The following OSTN variants were observed in gnomAD, a reference collection of about 807,000 sequenced individuals.
OSTN encodes the protein osteocrin.
In OSTN, 9 loss-of-function variants were observed where a neutral mutation model predicts 12.0. The ratio of observed to expected loss-of-function variants is 0.75; its 90% confidence interval spans 0.45 to 1.30. OSTN has a LOEUF of 1.30. Among genes scored for constraint, OSTN ranks in the 50% most tolerant of loss-of-function variants. The pLI is 0.00. For missense variants in OSTN, 148 were observed against 152.3 expected (o/e 0.97, Z 0.15); for synonymous variants, 59 against 56.9 (o/e 1.04, Z -0.16).
At chr3:191,228,953 C>T (rs1298711103) in intron 3 of OSTN, among the ~76,000 whole-genome samples, 1 of 152,100 alleles carries the variant, frequency 6.6e-6, no homozygotes, top group African/African-American at 2.4e-5. Flanking sequence ...AAGAAGAAAA[C>T]AGCAAGTCAT....
chr3:191,230,562 CAAAAAAAAAAAAAA>C (rs35542147), intron 3 of OSTN, among the ~76,000 whole-genome samples: 1 of 36,448 alleles, frequency 2.7e-5, no homozygotes, highest in African/African-American at 1.0e-4. Context: ...GACTCCGTCT[CAAAAAAAAAAAAAA>C]AAAAAAAAAA....
intron 4 of OSTN, among the ~76,000 whole-genome samples, chr3:191,256,511 A>G (rs1051356906): frequency 6.6e-6 from 1 of 152,108 alleles, no homozygotes; most frequent in South Asian, 2.1e-4. Flanking sequence ...TTTAGCCAAA[A>G]TAATAATTCA....
In OSTN at chr3:191,221,144, A is replaced by T. The variant is rs111422866; in HGVS notation, c.317+2183A>T. Among the ~76,000 whole-genome samples, 412 of 152,254 alleles carry T rather than the reference A, an allele frequency of 2.7e-3. 2 individuals carry two copies. Among genetic ancestry groups the T allele is most frequent in the African/African-American group, 9.2e-3 (384 of 41,566 alleles). ...CCTTGCTGCCACCATGTGGAGAAGG[A>T]CATGTTTATTTCCCCTTCTGCCATG... On this transcript the variant is annotated intron_variant, in intron 3 of 4. Coordinates refer to ENST00000682035, the MANE Select transcript of OSTN (RefSeq NM_198184.2).
At chr3:191,207,878 T>C (rs58672234) in intron 1 of OSTN, among the ~76,000 whole-genome samples, 2,565 of 152,330 alleles carry the variant, frequency 0.017, 77 homozygotes, top group African/African-American at 0.06. Flanking sequence ...TCTAGCCAGT[T>C]TGAAAGATCC....
chr3:191,250,340 G>C (rs1213927584), intron 4 of OSTN, among the ~76,000 whole-genome samples: 2 of 152,088 alleles, frequency 1.3e-5, no homozygotes, highest in South Asian at 2.1e-4. Context: ...GAATGTCCTA[G>C]TTCTGCTTCA....
intron 3 of OSTN, among the ~76,000 whole-genome samples, chr3:191,236,860 C>A (rs1023443629): frequency 6.6e-6 from 1 of 152,172 alleles, no homozygotes; most frequent in Non-Finnish European, 1.5e-5. Flanking sequence ...TTTTACCCAG[C>A]CCCTATTCAA....
At chr3:191,214,975 GGACTCTAGTCTGGGCAACAGAGTGA>G (rs1156562932) in intron 2 of OSTN, among the ~76,000 whole-genome samples, 3 of 152,126 alleles carry the variant, frequency 2.0e-5, no homozygotes, top group Non-Finnish European at 1.5e-5. Context: ...TCAAATCACT[GGACTCTAGTCTGGGCAACAGAGTGA>G]GACTTTGTCT....
At chr3:191,213,737 C>T (rs1576924147) in intron 2 of OSTN, among the ~76,000 whole-genome samples, 1 of 150,112 alleles carries the variant, frequency 6.7e-6, no homozygotes, top group African/African-American at 2.4e-5. Flanking sequence ...GTCTGAAAAG[C>T]ATTATATTAA....
At chr3:191,223,171 G>T (rs1714813939) in intron 3 of OSTN, among the ~76,000 whole-genome samples, 1 of 152,112 alleles carries the variant, frequency 6.6e-6, no homozygotes, top group Admixed American at 6.5e-5. Flanking sequence ...TATCTAGCTA[G>T]CTATCAAATA....
intron 4 of OSTN, among the ~76,000 whole-genome samples, chr3:191,250,842 T>A (rs1378176387): frequency 6.6e-6 from 1 of 152,186 alleles, no homozygotes; most frequent in Non-Finnish European, 1.5e-5. Context: ...TGGCACTTTA[T>A]GTGCATTGCT....
chr3:191,233,349 A>C (rs1427071814), intron 3 of OSTN, among the ~76,000 whole-genome samples: 1 of 152,212 alleles, frequency 6.6e-6, no homozygotes, highest in Non-Finnish European at 1.5e-5. Flanking sequence ...TCCGGGCAAC[A>C]CTAACTCAAC....
intron 1 of OSTN, among the ~76,000 whole-genome samples, chr3:191,210,173 T>A (rs58826130): frequency 0.027 from 4,119 of 152,236 alleles, 191 homozygotes; most frequent in East Asian, 0.21. Flanking sequence ...AGAGGTGCTA[T>A]ACACTTTGAA....
intron 2 of OSTN, among the ~76,000 whole-genome samples, chr3:191,215,214 T>G (rs1328283249): frequency 1.3e-5 from 2 of 152,174 alleles, no homozygotes; most frequent in Non-Finnish European, 1.5e-5. Flanking sequence ...CCAGATCTTG[T>G]GAGAACTCAC....
In OSTN at chr3:191,251,977, GA is replaced by G. The variant is rs973709938; in HGVS notation, c.*12+1845del. Among the ~76,000 whole-genome samples the G allele has an allele frequency of 1.2e-3, 180 of 152,242 alleles. 1 individual carries two copies. Among genetic ancestry groups the G allele is most frequent in the African/African-American group, 4.1e-3 (171 of 41,544 alleles). On this transcript the variant is annotated intron_variant, in intron 4 of 4. Transcript: ENST00000682035. ...TTCCACATATACCTTTACCACCCTT[GA>G]TTATCACCCATTTCAACATTTTTTA...
intron 4 of OSTN, among the ~76,000 whole-genome samples, chr3:191,259,102 G>A (rs1715741282): frequency 6.6e-6 from 1 of 152,148 alleles, no homozygotes; most frequent in Admixed American, 6.5e-5. Flanking sequence ...AGGAGTGTGA[G>A]CTGTTAGAAG....
chr3:191,245,016 C>T (rs1327136825), intron 3 of OSTN, among the ~76,000 whole-genome samples: 7 of 152,124 alleles, frequency 4.6e-5, no homozygotes, highest in African/African-American at 9.7e-5. Flanking sequence ...TCAGGGGCCA[C>T]TATATATTGT....
intron 4 of OSTN, among the ~76,000 whole-genome samples, chr3:191,261,980 ACCGAGG>A (rs1343083176): frequency 3.9e-5 from 6 of 152,056 alleles, no homozygotes; most frequent in Non-Finnish European, 5.9e-5. Flanking sequence ...ACTTTGGGAG[ACCGAGG>A]CGGGTGGATC....
At chr3:191,240,742 A>C (rs1268450409) in intron 3 of OSTN, among the ~76,000 whole-genome samples, 1 of 152,228 alleles carries the variant, frequency 6.6e-6, no homozygotes, top group African/African-American at 2.4e-5. Context: ...GAAGGCAGGA[A>C]GTCTCTGTTC....
intron 1 of OSTN, among the ~76,000 whole-genome samples, chr3:191,210,799 A>C (rs1714399758): frequency 6.6e-6 from 1 of 152,158 alleles, no homozygotes; most frequent in Non-Finnish European, 1.5e-5. Flanking sequence ...GCCATGTACT[A>C]AGTGGCAAAG....
Sources: allele counts gnomAD v4.1 joint callset (sites outside exome capture counted in the v4.1 genomes callset), GRCh38; gene constraint gnomAD v4.1.1; transcripts MANE v1.5; gene names NCBI Gene and HGNC (gene_info 2026-07-23, HGNC 2026-07-21).